The following TRUB1 variants were observed in gnomAD, a reference collection of about 807,000 sequenced individuals.
The protein encoded by TRUB1 is TruB pseudouridine synthase family member 1.
TRUB1 carries 23 observed loss-of-function variants against 33.9 expected under a neutral mutation model. The ratio of observed to expected loss-of-function variants is 0.68; its 90% CI spans 0.49 to 0.96. The LOEUF is 0.96. Among genes scored for constraint, TRUB1 ranks in the 40% least tolerant of loss-of-function variants. The pLI is 0.00. For missense variants in TRUB1, 378 were observed against 422.2 expected, an observed-to-expected ratio of 0.90 and a Z score of 0.92; for synonymous variants, 163 against 165.4, an observed-to-expected ratio of 0.99 and a Z score of 0.11.
intron 1 of TRUB1, 105 bp downstream of exon 1, chr10:114,938,644 A>G (rs1300633886): frequency 1.6e-6 from 2 of 1,259,368 alleles, no homozygotes; most frequent in Non-Finnish European, 1.1e-6. Flanking sequence ...AGGAGGGGAA[A>G]GGGAGACTGA....
At chr10:114,961,819 A>G (rs2084286188) in intron 4 of TRUB1, among the ~76,000 whole-genome samples, 1 of 152,200 alleles carries the variant, frequency 6.6e-6, no homozygotes, top group African/African-American at 2.4e-5. Flanking sequence ...AGATAAATGT[A>G]AGACCTAGCT....
rs1202627340 is a variant in TRUB1 at position 114,950,690 on chromosome 10, T to C, written c.386-404T>C. Among the ~76,000 whole-genome samples, 3 of 152,236 alleles carry C rather than the reference T, an allele frequency of 2.0e-5. No individual in the cohort carries two copies. In the South Asian group the frequency reaches 6.2e-4, roughly 31 times the overall value. ...ATGGTTCATTAGCTGTGATAATGGC[T>C]TTTGCTTTGTTTAATAATGAATTCT... On this transcript the variant is annotated intron_variant, in intron 2 of 7. Transcript: ENST00000298746.
At chr10:114,972,299 T>C (rs779867961) in intron 6 of TRUB1, 25 bp downstream of exon 6, 7 of 1,587,920 alleles carry the variant, frequency 4.4e-6, no homozygotes, top group Non-Finnish European at 5.1e-6. Flanking sequence ...TTTGAAATCA[T>C]TTGTATTTAC....
chr10:114,947,565 A>G (rs1447794346), intron 2 of TRUB1, among the ~76,000 whole-genome samples: 1 of 152,204 alleles, frequency 6.6e-6, no homozygotes, highest in African/African-American at 2.4e-5. Flanking sequence ...CATTTTTGCC[A>G]TATTTCCTTG....
chr10:114,946,481 A>G (rs1465412275), intron 2 of TRUB1, among the ~76,000 whole-genome samples: 2 of 152,040 alleles, frequency 1.3e-5, no homozygotes, highest in Non-Finnish European at 2.9e-5. Flanking sequence ...AGCTGGGATT[A>G]TAGGCGACTG....
At chr10:114,957,036 A>T (rs116997400) in intron 3 of TRUB1, among the ~76,000 whole-genome samples, 1 of 152,230 alleles carries the variant, frequency 6.6e-6, no homozygotes, top group African/African-American at 2.4e-5. Flanking sequence ...TGAAATCTAG[A>T]TATTCAAAAC....
intron 5 of TRUB1, 113 bp from the exon 6 acceptor site, chr10:114,972,022 C>T: frequency 1.7e-6 from 2 of 1,183,718 alleles, no homozygotes; most frequent in South Asian, 1.4e-5. Flanking sequence ...GAAGCACTGC[C>T]AGTCATCCTT....
Position 114,938,445 on chromosome 10 carries a change from G to C in TRUB1, c.192G>C (p.Lys64Asn). 1 of 1,596,532 alleles carries C rather than the reference G, an allele frequency of 6.3e-7. No homozygotes were observed. Among genetic ancestry groups the C allele is most frequent in the Non-Finnish European group, 8.5e-7 (1 of 1,171,700 alleles). Reference protein sequence around the residue: ...ARVSKAALATKLLSLSGVFAV... With the variant: ...ARVSKAALATNLLSLSGVFAV... ...TCTCCAAGGCCGCTTTGGCTACCAA[G>C]CTGCTGTCCTTGAGCGGCGTGTTCG... Residue 64 changes from lysine to asparagine, a missense_variant, in exon 1 of 8, where the codon AAG (lysine) becomes AAC (asparagine). Physicochemically the swap from Lys to Asn is moderately conservative, Grantham distance 94. Coordinates refer to ENST00000298746, the MANE Select transcript of TRUB1 (RefSeq NM_139169.5).
chr10:114,974,607 G>A (rs532236593), intron 7 of TRUB1, among the ~76,000 whole-genome samples: 1 of 150,536 alleles, frequency 6.6e-6, no homozygotes, highest in Admixed American at 6.6e-5. Flanking sequence ...AGAGAGAACA[G>A]AAAACGAAGA....
Position 114,975,284 on chromosome 10 carries a change from A to G in TRUB1, c.955A>G (p.Lys319Glu), listed in dbSNP as rs1396334120. 1.2e-6 allele frequency: 2 copies of G among 1,613,486 alleles called. No individual in the cohort carries two copies. Among genetic ancestry groups the G allele is most frequent in the Non-Finnish European group, 1.7e-6 (2 of 1,179,684 alleles). ...TTTCCCAGCAGAGTTGGCACTTAAAAAATCAAAACCTGAGTCTAATGAACA... is the reference window on the plus strand; with the variant it reads ...TTTCCCAGCAGAGTTGGCACTTAAAGAATCAAAACCTGAGTCTAATGAACA... ...SLFPAELALK[K>E]SKPESNEQVL... The change falls in exon 8 of 8, where the codon AAA becomes GAA. Residue 319 changes from lysine to glutamate, a missense_variant. Coordinates refer to ENST00000298746, the MANE Select transcript of TRUB1 (RefSeq NM_139169.5).
At chr10:114,946,697 G>A (rs1161466352) in intron 2 of TRUB1, among the ~76,000 whole-genome samples, 7 of 146,940 alleles carry the variant, frequency 4.8e-5, no homozygotes, top group South Asian at 4.3e-4. Context: ...CTGGACCTAT[G>A]CAAAAAAAAT....
chr10:114,958,992 C>T lies in TRUB1; in HGVS notation c.442-734C>T, dbSNP rs1254666902. Among the ~76,000 whole-genome samples, 8 of 152,144 alleles carry T rather than the reference C, an allele frequency of 5.3e-5. No individual in the cohort carries two copies. The East Asian group carries it at 7.7e-4, about 15-fold the overall frequency. On this transcript the variant is annotated intron_variant, in intron 3 of 7. Coordinates refer to ENST00000298746, the MANE Select transcript of TRUB1 (RefSeq NM_139169.5). ...TCTACTAAAAATACAAAAAATTAGC[C>T]GGGCGTGGTGGCGGGTGCCTGTAAT...
Position 114,938,252 on chromosome 10 carries a change from G to A in TRUB1, c.-2G>A, listed in dbSNP as rs1241609969. ...GATGAAACAGGTCTGGGCTACAAAAGTATGGCCGCTTCTGAGGCGGCGGTG... is the reference window on the plus strand; with the variant it reads ...GATGAAACAGGTCTGGGCTACAAAAATATGGCCGCTTCTGAGGCGGCGGTG... On this transcript the variant is annotated 5_prime_UTR_variant, in exon 1 of 8. Transcript: ENST00000298746. 2 of 1,613,792 alleles carry A rather than the reference G, an allele frequency of 1.2e-6. No individual in the cohort carries two copies. Among genetic ancestry groups the A allele is most frequent in the African/African-American group, 2.7e-5 (2 of 74,902 alleles).
chr10:114,951,160 T>C lies in TRUB1; in HGVS notation c.441+11T>C, dbSNP rs778810535. The C allele has an allele frequency of 1.2e-6, 2 of 1,606,744 alleles. No homozygotes were observed. Among genetic ancestry groups the C allele is most frequent in the African/African-American group, 1.3e-5 (1 of 74,742 alleles). ...TTGTCAGGGTCCAAGGTAAGAATAC[T>C]GAAATAGTTCTATTTTTCTTTAATG... On this transcript the variant is annotated intron_variant, in intron 3 of 7. Transcript: ENST00000298746.
intron 3 of TRUB1, among the ~76,000 whole-genome samples, chr10:114,954,908 CTT>C (rs5788089): frequency 4.1e-5 from 6 of 146,632 alleles, no homozygotes; most frequent in African/African-American, 1.0e-4. Context: ...CAGTTAATTT[CTT>C]TTTTTTTTTT....
rs763716406 is a variant in TRUB1, at chr10:114,975,270, A to T, written c.941A>T (p.Glu314Val). The T allele has an allele frequency of 6.2e-7, 1 of 1,613,640 alleles. No homozygotes were observed. Among genetic ancestry groups the T allele is most frequent in the Admixed American group, 1.7e-5 (1 of 59,960 alleles). Reference sequence around the variant, plus strand: ...CATTGCTCATCTCTTTTCCCAGCAGAGTTGGCACTTAAAAAATCAAAACCT... The same window carrying T: ...CATTGCTCATCTCTTTTCCCAGCAGTGTTGGCACTTAAAAAATCAAAACCT... ...LEHCSSLFPA[E>V]LALKKSKPES... The change falls in exon 8 of 8, where the codon GAG (glutamate) becomes GTG (valine). Residue 314 changes from glutamate (E) to valine (V), a missense_variant. Physicochemically the swap from Glu to Val is moderately radical, Grantham distance 121. Transcript: ENST00000298746.
chr10:114,967,968 C>T (rs1447143870), intron 4 of TRUB1, among the ~76,000 whole-genome samples: 2 of 152,056 alleles, frequency 1.3e-5, no homozygotes, highest in African/African-American at 4.8e-5. Context: ...TATTATTCTT[C>T]AGCAAATTAA....
At chr10:114,952,078 T>C (rs1316286132) in intron 3 of TRUB1, among the ~76,000 whole-genome samples, 1 of 152,194 alleles carries the variant, frequency 6.6e-6, no homozygotes, top group African/African-American at 2.4e-5. Flanking sequence ...GCAATCTCAT[T>C]TTCTGAACTT....
rs1419849764 is a variant in TRUB1 at position 114,976,234 on chromosome 10, G to A, written c.*855G>A. 9.0e-6 allele frequency: 1 copy of A among 111,352 alleles called. No homozygotes were observed. The highest frequency in any genetic ancestry group is 1.8e-5 in the Non-Finnish European group (1 of 56,946). 6.9% of individuals were successfully genotyped at this position (111,352 alleles called of 1,614,324 possible). On this transcript the variant is annotated 3_prime_UTR_variant, in exon 8 of 8. Coordinates refer to ENST00000298746, the MANE Select transcript of TRUB1 (RefSeq NM_139169.5). ...ATTTATTTATATTTCTCTGTAGGGTGTTCCCTGTGACATTGTCTCTTTAGT... is the reference window on the plus strand; with the variant it reads ...ATTTATTTATATTTCTCTGTAGGGTATTCCCTGTGACATTGTCTCTTTAGT...
Sources: allele counts gnomAD v4.1 joint callset (sites outside exome capture counted in the v4.1 genomes callset), GRCh38; gene constraint gnomAD v4.1.1; transcripts MANE v1.5; gene names NCBI Gene and HGNC (gene_info 2026-07-23, HGNC 2026-07-21).